CTNNA2: variants seen among roughly 807,000 people sequenced by gnomAD.
The protein encoded by CTNNA2 is catenin alpha 2, also known as catenin alpha-2.
A neutral mutation model predicts 101.0 loss-of-function variants in CTNNA2; 42 were observed. That is an observed-to-expected ratio of 0.42 (90% CI 0.32 to 0.54). The LOEUF is 0.54. CTNNA2 is among the 20% of genes least tolerant of loss of function. The probability of loss-of-function intolerance (pLI) is 0.14; values close to 1 mark genes in which losing one functional copy is unlikely to be tolerated. For missense variants in CTNNA2, 871 were observed against 1,223.1 expected (o/e 0.71, Z 4.29); for synonymous variants, 450 against 456.4 (o/e 0.99, Z 0.18).
chr2:80,309,129 A>G (rs772162214), intron 7 of CTNNA2, among the ~76,000 whole-genome samples: 8 of 151,976 alleles, frequency 5.3e-5, no homozygotes, highest in Non-Finnish European at 8.8e-5. Context: ...GAGAGAGAGA[A>G]AGAAAAGAAA....
At chr2:79,233,376 AT>A (rs1674519568) in intron 2 of CTNNA2, among the ~76,000 whole-genome samples, 1 of 152,114 alleles carries the variant, frequency 6.6e-6, no homozygotes, top group Non-Finnish European at 1.5e-5. Flanking sequence ...AGATTTTCTT[AT>A]TATTGATTTC....
intron 3 of CTNNA2, among the ~76,000 whole-genome samples, chr2:79,372,173 G>A (rs1215770526): frequency 6.6e-6 from 1 of 152,090 alleles, no homozygotes; most frequent in African/African-American, 2.4e-5. Context: ...CTGATTTCCT[G>A]ACTGATGGCA....
chr2:79,241,275 C>A (rs937416118), intron 2 of CTNNA2, among the ~76,000 whole-genome samples: 29 of 152,038 alleles, frequency 1.9e-4, no homozygotes, highest in African/African-American at 6.5e-4. Flanking sequence ...CCTCATATGG[C>A]AATTGAAGAA....
intron 17 of CTNNA2, 85 bp downstream of exon 17, chr2:80,608,403 A>G: frequency 7.0e-7 from 1 of 1,423,100 alleles, no homozygotes; most frequent in Admixed American, 1.8e-5. Flanking sequence ...ACTGCTAAAA[A>G]CACCAAACTA....
intron 7 of CTNNA2, among the ~76,000 whole-genome samples, chr2:80,152,967 A>C (rs980217674): frequency 6.6e-6 from 1 of 152,218 alleles, no homozygotes; most frequent in Non-Finnish European, 1.5e-5. Flanking sequence ...CCAAATAGCT[A>C]TAGAAGTCCT....
At chr2:80,313,316 C>T (rs1196686194) in intron 7 of CTNNA2, 11 of 1,127,920 alleles carry the variant, frequency 9.8e-6, no homozygotes, top group Admixed American at 7.9e-5. Flanking sequence ...ATTTAACATA[C>T]GTGTTTGCTG....
At chr2:79,404,865 T>A (rs1678325344) in intron 4 of CTNNA2, among the ~76,000 whole-genome samples, 1 of 152,022 alleles carries the variant, frequency 6.6e-6, no homozygotes, top group Non-Finnish European at 1.5e-5. Context: ...TACCCTTGAA[T>A]GTGGATATGA....
intron 9 of CTNNA2, among the ~76,000 whole-genome samples, chr2:80,490,477 A>C (rs1686977882): frequency 6.6e-6 from 1 of 152,080 alleles, no homozygotes; most frequent in African/African-American, 2.4e-5. Flanking sequence ...TATAATTTTC[A>C]TGTGTCACAA....
intron 7 of CTNNA2, among the ~76,000 whole-genome samples, chr2:80,017,032 T>G (rs1373985444): frequency 6.6e-6 from 1 of 152,164 alleles, no homozygotes; most frequent in Admixed American, 6.5e-5. Context: ...TGAAAGTAAC[T>G]TTTTCTAAAA....
At chr2:79,434,559 C>G (rs1245440076) in intron 4 of CTNNA2, among the ~76,000 whole-genome samples, 1 of 152,124 alleles carries the variant, frequency 6.6e-6, no homozygotes. Flanking sequence ...ATGGAGTCAG[C>G]CAGTGTGAGA....
At chr2:80,569,745 C>G in intron 12 of CTNNA2, among the ~76,000 whole-genome samples, 1 of 147,518 alleles carries the variant, frequency 6.8e-6, no homozygotes. Flanking sequence ...CAGATTCATG[C>G]CATTCTCCTG....
Position 80,589,251 on chromosome 2 carries a change from G to A in CTNNA2, c.2008-53G>A, listed in dbSNP as rs1051853962. ...TCCGCAGAAGGCAGAGTCAACATAC[G>A]GTCTGTACTTCCTTTGTCACCGTCA... On this transcript the variant is annotated intron_variant, in intron 14 of 18. Transcript: ENST00000402739. The A allele has an allele frequency of 1.1e-5, 17 of 1,576,484 alleles. No homozygotes were observed. In the East Asian group the frequency reaches 3.4e-4, roughly 31 times the overall value.
chr2:79,387,957 A>G (rs1203420135), intron 4 of CTNNA2, among the ~76,000 whole-genome samples: 1 of 152,210 alleles, frequency 6.6e-6, no homozygotes, highest in Non-Finnish European at 1.5e-5. Context: ...TAGAGATCCT[A>G]TTATGGGAGG....
chr2:79,203,159 G>A (rs1674059149), intron 2 of CTNNA2, among the ~76,000 whole-genome samples: 1 of 152,108 alleles, frequency 6.6e-6, no homozygotes, highest in South Asian at 2.1e-4. Flanking sequence ...GCTTCCCACA[G>A]CTCTGGGGTT....
chr2:80,601,919 T>G (rs992603715), intron 15 of CTNNA2: 2 of 152,072 alleles, frequency 1.3e-5, no homozygotes, highest in Non-Finnish European at 2.9e-5. Context: ...ACTTTAGCTG[T>G]TAAGAATGAA....
chr2:79,478,418 A>G (rs560487814), intron 4 of CTNNA2, among the ~76,000 whole-genome samples: 91 of 152,320 alleles, frequency 6.0e-4, no homozygotes, highest in African/African-American at 2.0e-3. Flanking sequence ...TAGAAACACA[A>G]TGAAACACTG....
Position 80,276,633 on chromosome 2 carries a change from A to G in CTNNA2, c.1057-116578A>G, listed in dbSNP as rs117980322. ...GGCATCACATGGCAAGGGGAAGGAA[A>G]TGAGAGAAAGAGAGGAGGAGAAGGA... On this transcript the variant is annotated intron_variant, in intron 7 of 18. Transcript: ENST00000402739. Among the ~76,000 whole-genome samples, 35 of 152,148 alleles carry G rather than the reference A, an allele frequency of 2.3e-4. No homozygotes were observed. In the East Asian group the frequency reaches 6.2e-3, roughly 27 times the overall value.
intron 7 of CTNNA2, among the ~76,000 whole-genome samples, chr2:80,251,394 A>T (rs1671753184): frequency 6.6e-6 from 1 of 152,182 alleles, no homozygotes; most frequent in Non-Finnish European, 1.5e-5. Context: ...CTACCACTGC[A>T]ATCACTGGCC....
intron 2 of CTNNA2, among the ~76,000 whole-genome samples, chr2:79,740,395 G>A (rs954514145): frequency 5.9e-5 from 9 of 152,052 alleles, no homozygotes; most frequent in Non-Finnish European, 1.3e-4. Context: ...TTGTTACATA[G>A]GAACCCTAAG....
Sources: gnomAD v4.1 joint callset for allele counts (sites outside exome capture counted in the v4.1 genomes callset) on GRCh38, gnomAD v4.1.1 for gene constraint, MANE v1.5 for transcripts, NCBI Gene and HGNC (gene_info 2026-07-23, HGNC 2026-07-21) for gene names.